The following ADD2 variants were observed in gnomAD, a reference collection of about 807,000 sequenced individuals.
ADD2 encodes the protein adducin 2.
Under a neutral mutation model 83.0 loss-of-function variants are expected in ADD2, and 23 were observed. The observed-to-expected ratio is 0.28, with a 90% CI of 0.20 to 0.39. The LOEUF is 0.39. Ranked by LOEUF, ADD2 falls within the 10% of genes least tolerant of loss-of-function variation. The pLI is 1.00. For missense variants in ADD2, 758 were observed against 944.9 expected, an observed-to-expected ratio of 0.80 and a Z score of 2.59; for synonymous variants, 375 against 375.4, an observed-to-expected ratio of 1.00 and a Z score of 0.01.
At chr2:70,720,243 G>A (rs1407206519) in intron 1 of ADD2, among the ~76,000 whole-genome samples, 6 of 152,136 alleles carry the variant, frequency 3.9e-5, no homozygotes, top group Non-Finnish European at 8.8e-5. Context: ...CAAGACTCGG[G>A]AGTGCTGGTG....
chr2:70,688,612 C>A (rs536430500), intron 8 of ADD2, among the ~76,000 whole-genome samples: 1 of 152,162 alleles, frequency 6.6e-6, no homozygotes, highest in African/African-American at 2.4e-5. Context: ...GAGTCAAAAC[C>A]CAGGGGGCGG....
rs11682965 is a variant in ADD2, at chr2:70,706,527, T to C, written c.-34-85A>G. 1.8e-4 allele frequency: 227 copies of C among 1,272,246 alleles called. No homozygotes were observed. Among genetic ancestry groups the C allele is most frequent in the Non-Finnish European group, 2.4e-4 (222 of 936,386 alleles). 78.8% of individuals were successfully genotyped at this position (1,272,246 alleles called of 1,614,324 possible). The stretch of plus-strand genomic sequence containing the variant: ...TCTCAGAGCACAGGGCTAGGTTCAG[T>C]TGGATTCTCAGTGGGGTACGGCTGT... On this transcript the variant is annotated intron_variant, in intron 2 of 15. Transcript: ENST00000264436. This position sits in a 1 kb window ranked among gnomAD's most constrained non-coding sequence, Gnocchi z 5.0.
chr2:70,760,135 T>C (rs932275734), intron 1 of ADD2, among the ~76,000 whole-genome samples: 1 of 152,242 alleles, frequency 6.6e-6, no homozygotes, highest in South Asian at 2.1e-4. Context: ...GATGTTTTCC[T>C]TACTATATTT....
chr2:70,742,241 C>T (rs1553381233), intron 1 of ADD2, among the ~76,000 whole-genome samples: 2 of 152,132 alleles, frequency 1.3e-5, no homozygotes, highest in Non-Finnish European at 1.5e-5. Flanking sequence ...TAAGAAAGTG[C>T]TATTTCTGAG....
intron 4 of ADD2, among the ~76,000 whole-genome samples, chr2:70,702,668 C>A (rs1257883180): frequency 6.8e-6 from 1 of 146,154 alleles, no homozygotes; most frequent in Non-Finnish European, 1.5e-5. Flanking sequence ...AAAAAAATGC[C>A]ATGGACAAAA....
intron 13 of ADD2, 28 bp from the exon 14 acceptor site, chr2:70,674,853 G>A (rs782664782): frequency 1.0e-5 from 16 of 1,603,524 alleles, no homozygotes; most frequent in East Asian, 2.2e-5. Flanking sequence ...AGGGTGTGTC[G>A]CTCTCTGAAC....
At chr2:70,722,208 T>C (rs1672762686) in intron 1 of ADD2, among the ~76,000 whole-genome samples, 1 of 152,148 alleles carries the variant, frequency 6.6e-6, no homozygotes, top group Admixed American at 6.5e-5. Context: ...GTTGATTTGA[T>C]AGAGGGGTAA....
At chr2:70,683,495 G>A (rs1178685320) in intron 10 of ADD2, 96 bp downstream of exon 10, 32 of 1,317,036 alleles carry the variant, frequency 2.4e-5, no homozygotes, top group East Asian at 5.0e-5. Context: ...TTGTGATGCT[G>A]GCAATTCTTG....
intron 1 of ADD2, chr2:70,767,494 C>G: frequency 5.2e-6 from 2 of 386,426 alleles, no homozygotes; most frequent in Non-Finnish European, 7.0e-6. Context: ...GGCGGCCGAG[C>G]GGGAAGGAAA....
At chr2:70,709,325 CAAAA>C (rs61422231) in intron 2 of ADD2, among the ~76,000 whole-genome samples, 3 of 106,426 alleles carry the variant, frequency 2.8e-5, no homozygotes, top group African/African-American at 6.5e-5. Flanking sequence ...GAGTGGGAGC[CAAAA>C]AAAAAAAAAA....
intron 1 of ADD2, among the ~76,000 whole-genome samples, chr2:70,727,893 CAATAAATAAATA>C (rs60082478): frequency 2.7e-3 from 374 of 140,488 alleles, no homozygotes; most frequent in Non-Finnish European, 4.1e-3. Context: ...GAGACTCTGT[CAATAAATAAATA>C]AATAAATAAA....
intron 15 of ADD2, among the ~76,000 whole-genome samples, chr2:70,671,478 G>T (rs1165728505): frequency 1.3e-4 from 20 of 151,928 alleles, no homozygotes; most frequent in African/African-American, 4.8e-4. Context: ...AAAAATGTGG[G>T]GAGAAATCTA....
In ADD2 at chr2:70,692,359, A is replaced by T. The variant is rs370624268; in HGVS notation, c.705+44T>A. 41 of 1,483,496 alleles carry T rather than the reference A, an allele frequency of 2.8e-5. 1 individual carries two copies. In the African/African-American group the frequency reaches 3.9e-4, roughly 14 times the overall value. 91.9% of individuals were successfully genotyped at this position (1,483,496 alleles called of 1,614,324 possible). On this transcript the variant is annotated intron_variant, in intron 7 of 15. Coordinates refer to ENST00000264436, the MANE Select transcript of ADD2 (RefSeq NM_001617.4). Reference sequence around the variant, plus strand: ...GTGACGAGATTGCTACAACCTCGGCAGCCTTACGTCTTTCCTTGGGTGGCT... The same window carrying T: ...GTGACGAGATTGCTACAACCTCGGCTGCCTTACGTCTTTCCTTGGGTGGCT...
chr2:70,704,266 C>CCCCCCCCCCCCCCCCCCCCCA, intron 4 of ADD2, 55 bp downstream of exon 4: 7 of 650,836 alleles, frequency 1.1e-5, no homozygotes, highest in Non-Finnish European at 1.3e-5. Context: ...CCTCTCTTCC[C>CCCCCCCCCCCCCCCCCCCCCA]CACCCCACCC....
At chr2:70,686,040 C>A (rs371600817) in intron 9 of ADD2, among the ~76,000 whole-genome samples, 2 of 152,218 alleles carry the variant, frequency 1.3e-5, no homozygotes, top group Admixed American at 6.5e-5. Flanking sequence ...ACCACAGCCA[C>A]GTTCGCTTGT....
At chr2:70,692,807 G>A (rs1671115561) in intron 6 of ADD2, among the ~76,000 whole-genome samples, 1 of 152,196 alleles carries the variant, frequency 6.6e-6, no homozygotes. Context: ...TTGTTCACGT[G>A]AATCACCTGA....
At chr2:70,701,477 A>G (rs1050542441) in intron 4 of ADD2, among the ~76,000 whole-genome samples, 1 of 152,172 alleles carries the variant, frequency 6.6e-6, no homozygotes, top group African/African-American at 2.4e-5. Flanking sequence ...TAATTAATCT[A>G]TTATTAAACA....
rs1553368329 is a variant in ADD2 at position 70,676,686 on chromosome 2, C to T, written c.1593+110G>A. 1.3e-6 allele frequency: 2 copies of T among 1,532,894 alleles called. No homozygotes were observed. The highest frequency in any genetic ancestry group is 4.1e-5 in the Admixed American group (2 of 49,024). The allele number at this position is 1,532,894 out of a possible 1,614,324, so 95.0% of individuals were successfully genotyped here. ...GCAAGAGCACCGGCACCCAAGATCA[C>T]AGGGGAAGGTGGGTATGAGGACTCA... On this transcript the variant is annotated intron_variant, in intron 13 of 15. Coordinates refer to ENST00000264436, the MANE Select transcript of ADD2 (RefSeq NM_001617.4). This position sits in a 1 kb window ranked among gnomAD's most constrained non-coding sequence, Gnocchi z 4.8.
At chr2:70,765,369 T>A (rs150117686) in intron 1 of ADD2, among the ~76,000 whole-genome samples, 1 of 152,138 alleles carries the variant, frequency 6.6e-6, no homozygotes, top group Non-Finnish European at 1.5e-5. Flanking sequence ...ATATAAAACA[T>A]AAAAAATAAA....
Sources: gnomAD v4.1 joint callset for allele counts (sites outside exome capture counted in the v4.1 genomes callset) on GRCh38, gnomAD v4.1.1 for gene constraint, Gnocchi (gnomAD v3.1) non-coding constraint, MANE v1.5 for transcripts, NCBI Gene and HGNC (gene_info 2026-07-23, HGNC 2026-07-21) for gene names.